ADAM23: variants seen among roughly 807,000 people sequenced by gnomAD.
ADAM23 encodes the protein disintegrin and metalloproteinase domain-containing protein 23.
ADAM23 carries 33 observed loss-of-function variants against 120.1 expected under a neutral mutation model. The ratio of observed to expected loss-of-function variants is 0.27; its 90% CI spans 0.21 to 0.37. The LOEUF is 0.37. Ranked by LOEUF, ADAM23 falls within the 10% of genes least tolerant of loss-of-function variation. ADAM23 has a pLI of 1.00. For missense variants in ADAM23, 862 were observed against 1,058.2 expected (o/e 0.81, Z 2.57); for synonymous variants, 367 against 375.2 (o/e 0.98, Z 0.25).
At chr2:206,473,590 T>TA (rs2105870853) in intron 2 of ADAM23, among the ~76,000 whole-genome samples, 2 of 150,484 alleles carry the variant, frequency 1.3e-5, no homozygotes, top group African/African-American at 4.9e-5. Flanking sequence ...ATAATAATAA[T>TA]AATAATAATA....
chr2:206,594,739 G>C lies in ADAM23; in HGVS notation c.2081G>C (p.Gly694Ala). 6.2e-7 allele frequency: 1 copy of C among 1,614,006 alleles called. No homozygotes were observed. Among genetic ancestry groups the C allele is most frequent in the Non-Finnish European group, 8.5e-7 (1 of 1,179,912 alleles). The change falls in exon 23 of 26, where the codon GGT (glycine) becomes GCT (alanine). Residue 694 changes from glycine (G) to alanine (A), a missense_variant and splice_region_variant. Around this residue, in one of 4 missense-constraint regions of ADAM23, gnomAD observed 617 missense variants for 813.5 expected, o/e 0.76. Transcript: ENST00000264377. ...TATGGGTATCTTTCTTGTTTTAGTGGTGCCCATGTAGTTTTAGATGATGAT... is the reference window on the plus strand; with the variant it reads ...TATGGGTATCTTTCTTGTTTTAGTGCTGCCCATGTAGTTTTAGATGATGAT... ...YHQGRVIDCS[G>A]AHVVLDDDTD...
At chr2:206,456,702 T>A (rs1267881101) in intron 2 of ADAM23, among the ~76,000 whole-genome samples, 3 of 152,136 alleles carry the variant, frequency 2.0e-5, no homozygotes, top group African/African-American at 7.2e-5. Context: ...AAAAAAATCT[T>A]AGATGGTAGT....
intron 18 of ADAM23, among the ~76,000 whole-genome samples, chr2:206,584,423 A>G (rs1200138684): frequency 2.0e-5 from 3 of 152,148 alleles, no homozygotes; most frequent in Admixed American, 2.0e-4. Context: ...AGAACTCCCA[A>G]GATTATATGC....
chr2:206,581,893 T>C (rs532883399), intron 18 of ADAM23, among the ~76,000 whole-genome samples: 53 of 152,278 alleles, frequency 3.5e-4, no homozygotes, highest in African/African-American at 1.1e-3. Context: ...TTCTTTTTTT[T>C]TGAGATGGAG....
At chr2:206,481,101 T>A (rs1695886151) in intron 2 of ADAM23, 131 bp from the exon 3 acceptor site, 1 of 547,516 alleles carries the variant, frequency 1.8e-6, no homozygotes. Flanking sequence ...AGAAATGAAT[T>A]GCTATATGAT....
chr2:206,481,412 C>A, intron 3 of ADAM23, 104 bp downstream of exon 3: 1 of 797,220 alleles, frequency 1.3e-6, no homozygotes, highest in Non-Finnish European at 1.9e-6. Flanking sequence ...CAACTATTTT[C>A]TAGCAGATTA....
chr2:206,560,128 C>T lies in ADAM23; in HGVS notation c.1169+10C>T, dbSNP rs889508512. 4.3e-6 allele frequency: 7 copies of T among 1,609,494 alleles called. No individual in the cohort carries two copies. The African/African-American group carries it at 9.3e-5, about 21-fold the overall frequency. ...CTGTGCACCTCATCTCGTACGTACTCATTTCAGCCTTTAGTGTAGTCTTTG... is the reference window on the plus strand; with the variant it reads ...CTGTGCACCTCATCTCGTACGTACTTATTTCAGCCTTTAGTGTAGTCTTTG... On this transcript the variant is annotated intron_variant, in intron 11 of 25. Coordinates refer to ENST00000264377, the MANE Select transcript of ADAM23 (RefSeq NM_003812.4).
intron 2 of ADAM23, among the ~76,000 whole-genome samples, chr2:206,477,416 T>C (rs2105874335): frequency 6.6e-6 from 1 of 152,350 alleles, no homozygotes; most frequent in East Asian, 1.9e-4. Flanking sequence ...AGGCAGCAGC[T>C]GTTCTCAGTC....
intron 12 of ADAM23, 61 bp from the exon 13 acceptor site, chr2:206,562,142 A>G (rs1697780828): frequency 7.2e-7 from 1 of 1,398,482 alleles, no homozygotes; most frequent in Admixed American, 1.7e-5. Context: ...ATTAAGAAAT[A>G]ATAACTAGCT....
At chr2:206,540,621 A>G (rs1559255181) in intron 4 of ADAM23, among the ~76,000 whole-genome samples, 1 of 152,152 alleles carries the variant, frequency 6.6e-6, no homozygotes, top group Non-Finnish European at 1.5e-5. Context: ...GTGGATGAGG[A>G]GTGACTCTTA....
chr2:206,516,691 T>C (rs896319167), intron 3 of ADAM23, among the ~76,000 whole-genome samples: 1 of 152,230 alleles, frequency 6.6e-6, no homozygotes, highest in African/African-American at 2.4e-5. Flanking sequence ...TACCATCACA[T>C]TGGGGGTTAG....
rs1307403435 is a variant in ADAM23 at position 206,617,962 on chromosome 2, T to A, written c.*335T>A. 4.5e-6 allele frequency: 1 copy of A among 223,070 alleles called. No individual in the cohort carries two copies. Among genetic ancestry groups the A allele is most frequent in the East Asian group, 9.7e-5 (1 of 10,338 alleles). 13.8% of individuals were successfully genotyped at this position (223,070 alleles called of 1,614,324 possible). On this transcript the variant is annotated 3_prime_UTR_variant, in exon 26 of 26. Transcript: ENST00000264377. Reference sequence around the variant, plus strand: ...GCAATAAAGGAATCATTAAAAAAAATAGTAAATGATTTTTTTTCCCTCAGC... The same window carrying A: ...GCAATAAAGGAATCATTAAAAAAAAAAGTAAATGATTTTTTTTCCCTCAGC...
chr2:206,510,834 G>T (rs1379431582), intron 3 of ADAM23, among the ~76,000 whole-genome samples: 1 of 152,192 alleles, frequency 6.6e-6, no homozygotes, highest in African/African-American at 2.4e-5. Flanking sequence ...GCCTTAGATG[G>T]TCATATGATT....
At chr2:206,520,058 G>C (rs2105789340) in intron 3 of ADAM23, among the ~76,000 whole-genome samples, 1 of 152,240 alleles carries the variant, frequency 6.6e-6, no homozygotes, top group South Asian at 2.1e-4. Context: ...CATCTCTAAA[G>C]ATTCCTGTGT....
At chr2:206,519,487 C>A (rs188476341) in intron 3 of ADAM23, among the ~76,000 whole-genome samples, 1 of 152,090 alleles carries the variant, frequency 6.6e-6, no homozygotes, top group East Asian at 1.9e-4. Flanking sequence ...ATGAAATGTG[C>A]TCAGAAGGTG....
chr2:206,484,924 A>G (rs1473486186), intron 3 of ADAM23, among the ~76,000 whole-genome samples: 1 of 152,146 alleles, frequency 6.6e-6, no homozygotes, highest in Non-Finnish European at 1.5e-5. Flanking sequence ...TACCCTGCAC[A>G]TGCTCTCTTG....
intron 25 of ADAM23, 108 bp downstream of exon 25, chr2:206,610,108 A>G (rs1698799727): frequency 3.2e-6 from 3 of 942,994 alleles, no homozygotes; most frequent in African/African-American, 1.8e-5. Context: ...CTGTCAGTCA[A>G]ACTGCAAAAA....
At chr2:206,591,158 C>T (rs1698418416) in intron 21 of ADAM23, among the ~76,000 whole-genome samples, 2 of 151,960 alleles carry the variant, frequency 1.3e-5, no homozygotes, top group African/African-American at 4.8e-5. Flanking sequence ...ATAGTGAGTC[C>T]TCATCTCTAT....
chr2:206,510,645 T>C (rs1411316772), intron 3 of ADAM23, among the ~76,000 whole-genome samples: 2 of 152,146 alleles, frequency 1.3e-5, no homozygotes, highest in Non-Finnish European at 2.9e-5. Context: ...GACTTTTGAG[T>C]GTTGTATTTC....
Sources: gnomAD v4.1 joint callset for allele counts (sites outside exome capture counted in the v4.1 genomes callset) on GRCh38, gnomAD v4.1.1 for gene constraint, gnomAD v4.1.1 regional missense constraint, MANE v1.5 for transcripts, NCBI Gene and HGNC (gene_info 2026-07-23, HGNC 2026-07-21) for gene names.